SRGAP1: variants seen among roughly 807,000 people sequenced by gnomAD.
SRGAP1 encodes SLIT-ROBO Rho GTPase activating protein 1, also known as SLIT-ROBO Rho GTPase-activating protein 1.
In SRGAP1, 43 loss-of-function variants were observed where a neutral mutation model predicts 121.9. The observed-to-expected ratio is 0.35, with a 90% CI of 0.28 to 0.46. The LOEUF (loss-of-function observed/expected upper bound fraction) is 0.46, where lower values mean the gene tolerates loss of function less well. Among genes scored for constraint, SRGAP1 ranks in the 20% least tolerant of loss-of-function variants. The pLI is 1.00. For synonymous variants in SRGAP1, 447 were observed against 485.4 expected, an observed-to-expected ratio of 0.92 and a Z score of 1.04; for missense variants, 1,102 against 1,350.9, an observed-to-expected ratio of 0.82 and a Z score of 2.89.
intron 1 of SRGAP1, among the ~76,000 whole-genome samples, chr12:63,868,068 T>G (rs868627029): frequency 1.3e-4 from 13 of 99,764 alleles, no homozygotes; most frequent in East Asian, 4.3e-4. Context: ...TTTTTTTTTT[T>G]TTTTTTTTTT....
intron 1 of SRGAP1, among the ~76,000 whole-genome samples, chr12:63,922,816 C>T (rs2031114862): frequency 6.6e-6 from 1 of 152,182 alleles, no homozygotes; most frequent in African/African-American, 2.4e-5. Flanking sequence ...TGTACAGAGT[C>T]TGGTGCAGAA....
chr12:63,973,119 G>A (rs2033003837), intron 1 of SRGAP1, among the ~76,000 whole-genome samples: 1 of 152,168 alleles, frequency 6.6e-6, no homozygotes, highest in Non-Finnish European at 1.5e-5. Context: ...CTGCATTCCA[G>A]CCTGGGTGAC....
intron 15 of SRGAP1, among the ~76,000 whole-genome samples, chr12:64,108,415 C>A (rs2036379739): frequency 6.6e-6 from 1 of 151,924 alleles, no homozygotes. Context: ...GGTGGGCTCT[C>A]CTAATATTGA....
chr12:63,856,543 A>G (rs1259166970), intron 1 of SRGAP1, among the ~76,000 whole-genome samples: 2 of 138,942 alleles, frequency 1.4e-5, no homozygotes, highest in Non-Finnish European at 3.0e-5. Context: ...CTTGGGTTCC[A>G]TGTGCTAATA....
rs1247272100 is a variant in SRGAP1 at position 64,154,389 on chromosome 12, G to A, written c.*11717G>A. Reference sequence around the variant, plus strand: ...AAGGAATGGCATGAGGGAAGTGAGAGACCACAATTAAGGAGCAACACAGGA... The same window carrying A: ...AAGGAATGGCATGAGGGAAGTGAGAAACCACAATTAAGGAGCAACACAGGA... On this transcript the variant is annotated 3_prime_UTR_variant, in exon 22 of 22. Coordinates refer to ENST00000355086, the MANE Select transcript of SRGAP1 (RefSeq NM_020762.4). The A allele has an allele frequency of 6.6e-6, 1 of 151,744 alleles. No individual in the cohort carries two copies. Among genetic ancestry groups the A allele is most frequent in the African/African-American group, 2.4e-5 (1 of 41,308 alleles). The allele number at this position is 151,744 out of a possible 1,614,324, so 9.4% of individuals were successfully genotyped here.
intron 8 of SRGAP1, among the ~76,000 whole-genome samples, chr12:64,076,343 A>T (rs940157082): frequency 2.6e-5 from 4 of 152,196 alleles, no homozygotes; most frequent in African/African-American, 9.6e-5. Context: ...AACTATTTAC[A>T]ATGTTCAAGG....
chr12:63,886,087 G>C (rs1900371526), intron 1 of SRGAP1, among the ~76,000 whole-genome samples: 1 of 152,080 alleles, frequency 6.6e-6, no homozygotes, highest in Admixed American at 6.5e-5. Context: ...TGGAGACCGA[G>C]TCTCACTCCG....
At position 64,157,659 on chromosome 12, in the gene SRGAP1, A is replaced by C. The variant is rs1393395216; in HGVS notation, c.*14987A>C. ...AAATGTCTTTAAAAATTTATATTTC[A>C]AGTGTGTGGGGGCAATAAAGAGGCC... On this transcript the variant is annotated 3_prime_UTR_variant, in exon 22 of 22. Coordinates refer to ENST00000355086, the MANE Select transcript of SRGAP1 (RefSeq NM_020762.4). The C allele has an allele frequency of 6.6e-6, 1 of 152,208 alleles. No individual in the cohort carries two copies. Among genetic ancestry groups the C allele is most frequent in the Non-Finnish European group, 1.5e-5 (1 of 68,046 alleles). 9.4% of individuals were successfully genotyped at this position (152,208 alleles called of 1,614,324 possible). A position where few individuals can be genotyped will look rare whatever the true frequency, so the allele number is the denominator to read the frequency against.
intron 1 of SRGAP1, among the ~76,000 whole-genome samples, chr12:63,935,815 CAAGT>C (rs1565957583): frequency 6.6e-6 from 1 of 152,074 alleles, no homozygotes; most frequent in African/African-American, 2.4e-5. Flanking sequence ...TATGAAGCAG[CAAGT>C]GTCTTGAGAT....
chr12:64,006,997 T>C (rs1269887421), intron 3 of SRGAP1, among the ~76,000 whole-genome samples: 1 of 152,146 alleles, frequency 6.6e-6, no homozygotes, highest in African/African-American at 2.4e-5. Context: ...GGGCTTATAA[T>C]CTATGCAGAC....
intron 3 of SRGAP1, among the ~76,000 whole-genome samples, chr12:63,998,646 T>A (rs572938018): frequency 2.0e-4 from 31 of 152,302 alleles, no homozygotes; most frequent in Non-Finnish European, 3.7e-4. Context: ...TTTTTCATCA[T>A]TCCTTGAGAT....
chr12:63,885,961 C>G (rs1375271032), intron 1 of SRGAP1, among the ~76,000 whole-genome samples: 3 of 152,212 alleles, frequency 2.0e-5, no homozygotes, highest in Non-Finnish European at 4.4e-5. Context: ...GTCCTCATAT[C>G]CGAACTGATC....
intron 15 of SRGAP1, among the ~76,000 whole-genome samples, chr12:64,100,571 G>C (rs964750397): frequency 6.6e-6 from 1 of 152,184 alleles, no homozygotes; most frequent in African/African-American, 2.4e-5. Context: ...CATTAGTGCA[G>C]TAGTTACAAA....
intron 6 of SRGAP1, among the ~76,000 whole-genome samples, chr12:64,057,894 G>A (rs553169898): frequency 6.6e-6 from 1 of 152,296 alleles, no homozygotes; most frequent in East Asian, 1.9e-4. Flanking sequence ...AGTTACTCCA[G>A]TGCAACCCTG....
At chr12:64,123,337 C>A (rs989839861) in intron 18 of SRGAP1, among the ~76,000 whole-genome samples, 4 of 151,876 alleles carry the variant, frequency 2.6e-5, no homozygotes, top group South Asian at 4.1e-4. Flanking sequence ...CAAAATGAGA[C>A]CCTGTCTCAA....
intron 21 of SRGAP1, among the ~76,000 whole-genome samples, chr12:64,141,578 T>C (rs2036963990): frequency 6.6e-6 from 1 of 152,038 alleles, no homozygotes; most frequent in Non-Finnish European, 1.5e-5. Flanking sequence ...AGACTGCATC[T>C]TGGGGGGGGA....
chr12:64,062,363 C>T (rs766193994), intron 6 of SRGAP1, among the ~76,000 whole-genome samples: 18 of 152,176 alleles, frequency 1.2e-4, no homozygotes, highest in Non-Finnish European at 2.6e-4. Flanking sequence ...TATTCAGATT[C>T]ATTGCCCATT....
At chr12:64,003,795 A>AT (rs926455450) in intron 3 of SRGAP1, among the ~76,000 whole-genome samples, 8 of 152,120 alleles carry the variant, frequency 5.3e-5, no homozygotes, top group African/African-American at 1.9e-4. Flanking sequence ...TAGTTGAAAA[A>AT]TAATTGCAAG....
chr12:63,974,333 G>A (rs2033036535), intron 1 of SRGAP1, among the ~76,000 whole-genome samples: 1 of 152,114 alleles, frequency 6.6e-6, no homozygotes, highest in Non-Finnish European at 1.5e-5. Flanking sequence ...AAAACTGACA[G>A]TTTTGTAGTA....
Sources: gnomAD v4.1 joint callset for allele counts (sites outside exome capture counted in the v4.1 genomes callset) on GRCh38, gnomAD v4.1.1 for gene constraint, MANE v1.5 for transcripts, NCBI Gene and HGNC (gene_info 2026-07-23, HGNC 2026-07-21) for gene names.